The following BRF1 variants were observed in gnomAD, a reference collection of about 807,000 sequenced individuals.
BRF1 encodes the protein transcription factor IIIB 90 kDa subunit.
BRF1 carries 59 observed loss-of-function variants against 81.7 expected under a neutral mutation model. That is an observed-to-expected ratio of 0.72 (90% CI 0.59 to 0.90). The LOEUF is 0.90. Among genes scored for constraint, BRF1 ranks in the 40% least tolerant of loss-of-function variants. The pLI is 0.00. For synonymous variants in BRF1, 491 were observed against 395.6 expected (o/e 1.24, Z -2.86); for missense variants, 1,050 against 936.3 (o/e 1.12, Z -1.58).
Position 105,263,198 on chromosome 14 carries a change from C to A in BRF1, c.440-6649G>T, listed in dbSNP as rs148235402. Among the ~76,000 whole-genome samples the A allele has an allele frequency of 6.6e-4, 96 of 145,262 alleles. No individual in the cohort carries two copies. The East Asian group carries it at 0.016, about 24-fold the overall frequency. On this transcript the variant is annotated intron_variant, in intron 3 of 17. Transcript: ENST00000547530. ...GTTGCAGTGAGCCGAGATGGCACCA[C>A]TGCACTCCAGCCTGGGCAACAGAGT...
intron 2 of BRF1, among the ~76,000 whole-genome samples, chr14:105,280,980 G>A (rs1253315422): frequency 2.8e-5 from 4 of 144,714 alleles, no homozygotes; most frequent in Admixed American, 1.4e-4. Context: ...CAGAGCCTGC[G>A]TGACCCTGAG....
intron 2 of BRF1, among the ~76,000 whole-genome samples, chr14:105,286,089 A>C (rs983470813): frequency 6.6e-6 from 1 of 152,316 alleles, no homozygotes; most frequent in African/African-American, 2.4e-5. Context: ...GGTTCTCCCC[A>C]AACAGCCCTG....
At chr14:105,280,006 G>A (rs2057003893) in intron 2 of BRF1, among the ~76,000 whole-genome samples, 1 of 152,186 alleles carries the variant, frequency 6.6e-6, no homozygotes, top group Non-Finnish European at 1.5e-5. Flanking sequence ...AAATGGCTCA[G>A]GTGCTTTGGA....
chr14:105,296,613 G>A (rs1366031954), intron 1 of BRF1, among the ~76,000 whole-genome samples: 1 of 149,790 alleles, frequency 6.7e-6, no homozygotes, highest in Non-Finnish European at 1.5e-5. Context: ...CCTGGGAGGC[G>A]GAGATTGCAG....
chr14:105,250,168 C>G (rs1192111524), intron 5 of BRF1: 1 of 1,612,970 alleles, frequency 6.2e-7, no homozygotes, highest in Non-Finnish European at 8.5e-7. Flanking sequence ...ACACGGCCAC[C>G]AACAAGCCCC....
chr14:105,210,638 G>A lies in BRF1; in HGVS notation c.1997-50C>T, dbSNP rs1467005023. The A allele has an allele frequency of 1.3e-6, 2 of 1,598,476 alleles. No homozygotes were observed. The highest frequency in any genetic ancestry group is 1.1e-5 in the South Asian group (1 of 90,394). On this transcript the variant is annotated intron_variant, in intron 17 of 17. Coordinates refer to ENST00000547530, the MANE Select transcript of BRF1 (RefSeq NM_001519.4). This position sits in a 1 kb window ranked among gnomAD's most constrained non-coding sequence, Gnocchi z 4.7. ...CCCAGGGTCTCTGTGGGACCCAGGA[G>A]CCCAGACCCCCCAACCCGCCCTGTT...
At chr14:105,229,316 C>G (rs1006650979) in intron 6 of BRF1, among the ~76,000 whole-genome samples, 4 of 152,148 alleles carry the variant, frequency 2.6e-5, no homozygotes, top group African/African-American at 4.8e-5. Flanking sequence ...ACAGGTTCAC[C>G]AAGGCCACAG....
intron 3 of BRF1, among the ~76,000 whole-genome samples, chr14:105,257,006 G>A (rs1029703377): frequency 1.3e-5 from 2 of 152,148 alleles, no homozygotes; most frequent in African/African-American, 4.8e-5. Context: ...GCGTCAGGCA[G>A]GCAGTCCTCC....
intron 6 of BRF1, 115 bp from the exon 7 acceptor site, chr14:105,229,028 G>C (rs587747177): frequency 4.3e-6 from 4 of 929,290 alleles, no homozygotes; most frequent in Admixed American, 1.7e-5. Flanking sequence ...CTGAGAAGAC[G>C]TGTCTGTGCC....
chr14:105,248,441 G>C, intron 5 of BRF1: 1 of 985,294 alleles, frequency 1.0e-6, no homozygotes, highest in Non-Finnish European at 1.2e-6. Context: ...GGCTCGCGCC[G>C]GTTGCTGGGC....
chr14:105,248,121 C>A, intron 5 of BRF1: 1 of 985,492 alleles, frequency 1.0e-6, no homozygotes, highest in Non-Finnish European at 1.2e-6. Flanking sequence ...AATAGCAGCG[C>A]CTGCCCCTGT....
chr14:105,300,486 G>A lies in BRF1; in HGVS notation c.144C>T (p.Gly48=). The part of the protein sequence containing the change: ...VSEVQFVESS[G]GGSSAVGQFV... Reference sequence around the variant, plus strand: ...ACTGGCCCACGGCCGAGGAGCCGCCGCCGCTGCTCTCCACGAACTGCACCT... The same window carrying A: ...ACTGGCCCACGGCCGAGGAGCCGCCACCGCTGCTCTCCACGAACTGCACCT... Residue 48 remains glycine (G), a synonymous_variant, in exon 1 of 18, where the codon GGC becomes GGT. Coordinates refer to ENST00000547530, the MANE Select transcript of BRF1 (RefSeq NM_001519.4). The A allele has an allele frequency of 6.5e-7, 1 of 1,535,620 alleles. No homozygotes were observed. Among genetic ancestry groups the A allele is most frequent in the East Asian group, 2.5e-5 (1 of 40,002 alleles).
chr14:105,256,523 G>T lies in BRF1; in HGVS notation c.466C>A (p.Leu156Ile), dbSNP rs2055880981. ...GCAGGACGGAGGCTGTCTACCTGGA[G>T]CAGGTCGCTGAGGTCCAGGAGCATG... ...PHMLLDLSDL[L>I]QVNVYVLGKT... The change falls in exon 4 of 18, where the codon CTC (leucine) becomes ATC (isoleucine). Residue 156 changes from leucine to isoleucine, a missense_variant. Transcript: ENST00000547530. 6.2e-7 allele frequency: 1 copy of T among 1,614,122 alleles called. No homozygotes were observed. Among genetic ancestry groups the T allele is most frequent in the Non-Finnish European group, 8.5e-7 (1 of 1,180,042 alleles).
In BRF1 at chr14:105,272,798, T is replaced by C; in HGVS notation, c.362A>G (p.His121Arg). 1 of 1,613,982 alleles carries C rather than the reference T, an allele frequency of 6.2e-7. No individual in the cohort carries two copies. Among genetic ancestry groups the C allele is most frequent in the South Asian group, 1.1e-5 (1 of 91,082 alleles). ...FNFFKMAVSR[H>R]LTRGRKMAHV... is the part of the protein sequence containing the mutation. ...GGCCATCTTCCGGCCGCGGGTCAGGTGCCTGCTCACGGCCATCTTGAAGAA... is the reference window on the plus strand; with the variant it reads ...GGCCATCTTCCGGCCGCGGGTCAGGCGCCTGCTCACGGCCATCTTGAAGAA... The change falls in exon 3 of 18, where the codon CAC becomes CGC. Residue 121 changes from histidine (H) to arginine (R), a missense_variant. Around this residue, in one of 2 missense-constraint regions of BRF1, gnomAD observed 1,043 missense variants for 915.4 expected, o/e 1.14. Transcript: ENST00000547530.
chr14:105,307,424 A>G (rs2140663816), intron 1 of BRF1, among the ~76,000 whole-genome samples: 1 of 152,284 alleles, frequency 6.6e-6, no homozygotes. Context: ...AAATGGCAAT[A>G]AAGGCTCTTG....
chr14:105,222,697 C>T (rs1412638631), intron 10 of BRF1, among the ~76,000 whole-genome samples: 2 of 151,718 alleles, frequency 1.3e-5, no homozygotes, highest in South Asian at 2.1e-4. Context: ...GACGCGATCT[C>T]GGCTCACTGC....
chr14:105,294,615 C>T (rs587699485), intron 1 of BRF1, among the ~76,000 whole-genome samples: 2 of 152,148 alleles, frequency 1.3e-5, no homozygotes, highest in South Asian at 4.1e-4. Flanking sequence ...GCATGGAAGA[C>T]GATGGGGAGG....
At chr14:105,313,640 T>A (rs2140724803) in intron 1 of BRF1, among the ~76,000 whole-genome samples, 1 of 152,334 alleles carries the variant, frequency 6.6e-6, no homozygotes, top group Non-Finnish European at 1.5e-5. Context: ...GCAAGCCCCG[T>A]GGGCCAGGAA....
intron 4 of BRF1, chr14:105,256,116 C>G: frequency 7.8e-7 from 1 of 1,274,492 alleles, no homozygotes; most frequent in Non-Finnish European, 1.0e-6. Flanking sequence ...CAGAGCGAGA[C>G]TCCATCTCAT....
Sources: allele counts gnomAD v4.1 joint callset (sites outside exome capture counted in the v4.1 genomes callset), GRCh38; gene constraint gnomAD v4.1.1; regional missense constraint gnomAD v4.1.1; non-coding constraint Gnocchi (gnomAD v3.1); transcripts MANE v1.5; gene names NCBI Gene and HGNC (gene_info 2026-07-23, HGNC 2026-07-21).